ST6GALNAC5: variants seen among roughly 807,000 people sequenced by gnomAD.
The protein encoded by ST6GALNAC5 is ST6 N-acetylgalactosaminide alpha-2,6-sialyltransferase 5, also known as alpha-N-acetylgalactosaminide alpha-2,6-sialyltransferase 5.
ST6GALNAC5 carries 27 observed loss-of-function variants against 33.6 expected under a neutral mutation model. That is an observed-to-expected ratio of 0.80 (90% confidence interval 0.59 to 1.11). The LOEUF (loss-of-function observed/expected upper bound fraction) is 1.11, where lower values mean the gene tolerates loss of function less well. Among genes scored for constraint, ST6GALNAC5 ranks in the 50% least tolerant of loss-of-function variants. The probability of loss-of-function intolerance (pLI) is 0.00; values close to 1 mark genes in which losing one functional copy is unlikely to be tolerated. For synonymous variants in ST6GALNAC5, 194 were observed against 171.2 expected, an observed-to-expected ratio of 1.13 and a Z score of -1.04; for missense variants, 428 against 454.0, an observed-to-expected ratio of 0.94 and a Z score of 0.52.
chr1:77,009,625 C>T (rs986875538), intron 2 of ST6GALNAC5, among the ~76,000 whole-genome samples: 7 of 152,120 alleles, frequency 4.6e-5, no homozygotes, highest in African/African-American at 1.7e-4. Context: ...TGTCCTCCCC[C>T]ATGTGACAAG....
intron 2 of ST6GALNAC5, among the ~76,000 whole-genome samples, chr1:77,003,588 G>A (rs993680169): frequency 3.3e-5 from 5 of 151,462 alleles, no homozygotes; most frequent in Admixed American, 6.6e-5. Context: ...TCCTAGTCTC[G>A]ATGGTCTTTA....
At chr1:76,915,437 C>G (rs1421049374) in intron 2 of ST6GALNAC5, among the ~76,000 whole-genome samples, 1 of 152,124 alleles carries the variant, frequency 6.6e-6, no homozygotes. Context: ...AGACTTCGAA[C>G]CAACCCAAAT....
In ST6GALNAC5 at chr1:77,063,198, G is replaced by T. The variant is rs1331619775; in HGVS notation, c.1003G>T (p.Val335Leu). 1.2e-6 allele frequency: 2 copies of T among 1,613,016 alleles called. No individual in the cohort carries two copies. The highest frequency in any genetic ancestry group is 1.3e-5 in the African/African-American group (1 of 74,926). ...TATAAATCATCCTGAGAATAAACCTGTGTTCTAAGGAATGAGCATGCCAGA... is the reference window on the plus strand; with the variant it reads ...TATAAATCATCCTGAGAATAAACCTTTGTTCTAAGGAATGAGCATGCCAGA... Reference protein sequence around the residue: ...LAINHPENKPVF With the variant: ...LAINHPENKPLF The change falls in exon 5 of 5, where the codon GTG becomes TTG. Residue 335 changes from valine to leucine, a missense_variant. Transcript: ENST00000477717.
intron 2 of ST6GALNAC5, among the ~76,000 whole-genome samples, chr1:77,039,434 C>T (rs1651763360): frequency 6.6e-6 from 1 of 152,240 alleles, no homozygotes; most frequent in African/African-American, 2.4e-5. Flanking sequence ...ACAGCCTCCT[C>T]TGCAGACAGA....
At chr1:76,954,435 T>A (rs1281637702) in intron 2 of ST6GALNAC5, among the ~76,000 whole-genome samples, 1 of 152,064 alleles carries the variant, frequency 6.6e-6, no homozygotes. Context: ...CTGGACTTAA[T>A]GCCAAGGTGC....
chr1:76,979,487 A>C (rs1243097212), intron 2 of ST6GALNAC5, among the ~76,000 whole-genome samples: 1 of 152,222 alleles, frequency 6.6e-6, no homozygotes, highest in Non-Finnish European at 1.5e-5. Flanking sequence ...ATTTACAACC[A>C]ATTGATTTTC....
At chr1:76,987,005 C>A (rs1256390529) in intron 2 of ST6GALNAC5, among the ~76,000 whole-genome samples, 1 of 152,048 alleles carries the variant, frequency 6.6e-6, no homozygotes, top group African/African-American at 2.4e-5. Flanking sequence ...ACATCACACA[C>A]TGGGGCCTGT....
In ST6GALNAC5 at chr1:77,063,212, G is replaced by A; in HGVS notation, c.*6G>A. On this transcript the variant is annotated 3_prime_UTR_variant, in exon 5 of 5. Coordinates refer to ENST00000477717, the MANE Select transcript of ST6GALNAC5 (RefSeq NM_030965.3). ...AGAATAAACCTGTGTTCTAAGGAAT[G>A]AGCATGCCAGACTGTAATCCCAGGT... 3.1e-6 allele frequency: 5 copies of A among 1,611,344 alleles called. No homozygotes were observed. In the South Asian group the frequency reaches 3.3e-5, roughly 11 times the overall value.
intron 2 of ST6GALNAC5, among the ~76,000 whole-genome samples, chr1:76,992,701 G>A (rs1649784759): frequency 6.6e-6 from 1 of 152,084 alleles, no homozygotes; most frequent in East Asian, 1.9e-4. Flanking sequence ...TCACCATGTT[G>A]CCAGGCTGGT....
At chr1:76,956,049 A>C (rs1273683343) in intron 2 of ST6GALNAC5, among the ~76,000 whole-genome samples, 1 of 152,154 alleles carries the variant, frequency 6.6e-6, no homozygotes, top group Admixed American at 6.6e-5. Context: ...TTTATTATCA[A>C]ATTGGTACTG....
At position 77,063,723 on chromosome 1, in the gene ST6GALNAC5, ATATT is replaced by A. The variant is rs528939351; in HGVS notation, c.*526_*529del. 2.6e-4 allele frequency: 40 copies of A among 155,754 alleles called. No homozygotes were observed. Among genetic ancestry groups the A allele is most frequent in the Non-Finnish European group, 4.7e-4 (33 of 69,920 alleles). The allele number at this position is 155,754 out of a possible 1,614,324, so 9.6% of individuals were successfully genotyped here. ...CTGACTTTCATAAAGCAAATGTCCAATATTTATTTATTGAGAGTTTTTTAGTGCA... is the reference window on the plus strand; with the variant it reads ...CTGACTTTCATAAAGCAAATGTCCAATATTTATTGAGAGTTTTTTAGTGCA... On this transcript the variant is annotated 3_prime_UTR_variant, in exon 5 of 5. Transcript: ENST00000477717.
intron 2 of ST6GALNAC5, among the ~76,000 whole-genome samples, chr1:77,001,893 A>C (rs1360883194): frequency 6.6e-6 from 1 of 151,972 alleles, no homozygotes; most frequent in Non-Finnish European, 1.5e-5. Context: ...TCGTTTTGCC[A>C]GTATTTTATT....
intron 2 of ST6GALNAC5, among the ~76,000 whole-genome samples, chr1:77,006,765 A>G (rs537507456): frequency 6.6e-5 from 10 of 152,298 alleles, no homozygotes; most frequent in Admixed American, 2.6e-4. Context: ...TATTTAGCTC[A>G]CAATTATACT....
At chr1:77,023,364 A>G (rs1244452403) in intron 2 of ST6GALNAC5, among the ~76,000 whole-genome samples, 3 of 152,212 alleles carry the variant, frequency 2.0e-5, no homozygotes, top group Admixed American at 6.5e-5. Context: ...AGCTCTGTGC[A>G]TGGTGACAGT....
In ST6GALNAC5 at chr1:76,868,988, G is replaced by C; in HGVS notation, c.261+246G>C. The C allele has an allele frequency of 3.7e-6, 2 of 539,966 alleles. No individual in the cohort carries two copies. Among genetic ancestry groups the C allele is most frequent in the Non-Finnish European group, 3.0e-6 (1 of 338,844 alleles). 33.4% of individuals were successfully genotyped at this position (539,966 alleles called of 1,614,324 possible). Reference sequence around the variant, plus strand: ...GACCCCAAAGCCTAATTTCCCAGCAGAAATCGGCCCTGGAACTAGAACTCC... The same window carrying C: ...GACCCCAAAGCCTAATTTCCCAGCACAAATCGGCCCTGGAACTAGAACTCC... On this transcript the variant is annotated intron_variant, in intron 2 of 4. Coordinates refer to ENST00000477717, the MANE Select transcript of ST6GALNAC5 (RefSeq NM_030965.3). This position sits in a 1 kb window ranked among gnomAD's most constrained non-coding sequence, Gnocchi z 4.3.
At chr1:77,054,572 T>C (rs1553176620) in intron 4 of ST6GALNAC5, among the ~76,000 whole-genome samples, 1 of 152,188 alleles carries the variant, frequency 6.6e-6, no homozygotes, top group Non-Finnish European at 1.5e-5. Flanking sequence ...CACCTTATTA[T>C]TGTCCCAAAG....
intron 3 of ST6GALNAC5, among the ~76,000 whole-genome samples, chr1:77,049,133 T>C (rs1652126427): frequency 6.6e-6 from 1 of 152,168 alleles, no homozygotes; most frequent in African/African-American, 2.4e-5. Context: ...CTTAAAAATG[T>C]CCTCTCTCTA....
chr1:76,994,685 A>G (rs769432717), intron 2 of ST6GALNAC5, among the ~76,000 whole-genome samples: 3 of 152,214 alleles, frequency 2.0e-5, no homozygotes, highest in Non-Finnish European at 4.4e-5. Flanking sequence ...GGATTCAGGA[A>G]TATCTCCATA....
intron 4 of ST6GALNAC5, among the ~76,000 whole-genome samples, chr1:77,053,243 G>A (rs549203147): frequency 6.6e-6 from 1 of 152,272 alleles, no homozygotes; most frequent in African/African-American, 2.4e-5. Context: ...CATGTATCAT[G>A]AGCTCTATGG....
Sources: gnomAD v4.1 joint callset for allele counts (sites outside exome capture counted in the v4.1 genomes callset) on GRCh38, gnomAD v4.1.1 for gene constraint, Gnocchi (gnomAD v3.1) non-coding constraint, MANE v1.5 for transcripts, NCBI Gene and HGNC (gene_info 2026-07-23, HGNC 2026-07-21) for gene names.